Variants in RFX8 observed in about 807,000 individuals in gnomAD.
RFX8 encodes regulatory factor X8.
Under a neutral mutation model 54.6 loss-of-function variants are expected in RFX8, and 46 were observed. The observed-to-expected ratio is 0.84, with a 90% CI of 0.67 to 1.08. The LOEUF (loss-of-function observed/expected upper bound fraction) is 1.08. Among genes scored for constraint, RFX8 ranks in the 50% least tolerant of loss-of-function variants. The pLI is 0.00. For missense variants in RFX8, 536 were observed against 562.3 expected (o/e 0.95, Z 0.47); for synonymous variants, 192 against 209.5 (o/e 0.92, Z 0.72).
chr2:101,464,821 A>G (rs1320847512), intron 2 of RFX8, among the ~76,000 whole-genome samples: 1 of 151,904 alleles, frequency 6.6e-6, no homozygotes, highest in Non-Finnish European at 1.5e-5. Context: ...ACAGCCTTAT[A>G]AAAAGATCTT....
At chr2:101,467,215 T>A (rs935439795) in intron 1 of RFX8, among the ~76,000 whole-genome samples, 1 of 152,240 alleles carries the variant, frequency 6.6e-6, no homozygotes, top group Non-Finnish European at 1.5e-5. Flanking sequence ...CGCTGTTTCA[T>A]AGACCTTTAC....
intron 2 of RFX8, among the ~76,000 whole-genome samples, chr2:101,432,208 T>C (rs13430896): frequency 0.73 from 111,762 of 152,080 alleles, 42,557 homozygotes; most frequent in Middle Eastern, 0.88. Context: ...ATATTTATTT[T>C]CTAAAATCAC....
chr2:101,424,759 C>T (rs904906146), intron 2 of RFX8, among the ~76,000 whole-genome samples: 3 of 152,084 alleles, frequency 2.0e-5, no homozygotes, highest in African/African-American at 4.8e-5. Context: ...AGCAAACTAT[C>T]GCAAGGACAG....
At chr2:101,412,837 C>T in intron 8 of RFX8, 78 bp downstream of exon 8, 1 of 1,331,112 alleles carries the variant, frequency 7.5e-7, no homozygotes, top group Non-Finnish European at 1.0e-6. Flanking sequence ...TTAAGAAATT[C>T]ATGAGTTAAC....
chr2:101,451,608 G>T (rs1012383614), intron 2 of RFX8, among the ~76,000 whole-genome samples: 3 of 149,022 alleles, frequency 2.0e-5, no homozygotes, highest in Non-Finnish European at 4.4e-5. Flanking sequence ...AGAATCGCTT[G>T]AATCTGGGAG....
At chr2:101,452,302 T>C (rs1688728522) in intron 2 of RFX8, 1 of 751,052 alleles carries the variant, frequency 1.3e-6, no homozygotes, top group Non-Finnish European at 2.1e-6. Flanking sequence ...GTTTGTTTTG[T>C]TTTGCATTTT....
chr2:101,421,398 A>G, intron 4 of RFX8: 7 of 1,036,832 alleles, frequency 6.8e-6, no homozygotes, highest in Non-Finnish European at 8.1e-6. Context: ...CACCATTGAA[A>G]ATTCCAGGGT....
chr2:101,407,520 C>T (rs1208478369), intron 9 of RFX8, among the ~76,000 whole-genome samples: 1 of 152,098 alleles, frequency 6.6e-6, no homozygotes, highest in African/African-American at 2.4e-5. Context: ...GGCAAAACCC[C>T]GTCTTTACTA....
At chr2:101,437,135 A>G (rs1200039487) in intron 2 of RFX8, among the ~76,000 whole-genome samples, 1 of 152,198 alleles carries the variant, frequency 6.6e-6, no homozygotes, top group Non-Finnish European at 1.5e-5. Context: ...GTAGATTTAC[A>G]TGCAGTTGTA....
chr2:101,417,872 G>A (rs1472733438), intron 5 of RFX8, among the ~76,000 whole-genome samples, 188 bp from the exon 6 acceptor site: 3 of 152,094 alleles, frequency 2.0e-5, no homozygotes, highest in East Asian at 3.9e-4. Flanking sequence ...TGCAGCCACA[G>A]TTGGAATTTT....
chr2:101,415,996 A>G (rs114236858), intron 6 of RFX8, among the ~76,000 whole-genome samples: 1 of 152,370 alleles, frequency 6.6e-6, no homozygotes, highest in African/African-American at 2.4e-5. Context: ...CAGCCTGTCT[A>G]GTGTTGCTGA....
In RFX8 at chr2:101,401,292, C is replaced by T. The variant is rs78548501; in HGVS notation, c.1245+1144G>A. 6.6e-3 allele frequency among the ~76,000 whole-genome samples: 1,007 copies of T among 152,076 alleles called. 10 individuals carry two copies. The highest frequency in any genetic ancestry group is 0.021 in the African/African-American group (855 of 41,440). On this transcript the variant is annotated intron_variant, in intron 11 of 11. Transcript: ENST00000428343. ...TTTTGTTTTGTTTTGTTTTTTTGGTCTAGGGAGGTGTCTTGTCCAAGCATT... is the reference window on the plus strand; with the variant it reads ...TTTTGTTTTGTTTTGTTTTTTTGGTTTAGGGAGGTGTCTTGTCCAAGCATT...
At chr2:101,457,000 T>C (rs530857231) in intron 2 of RFX8, among the ~76,000 whole-genome samples, 40 of 152,364 alleles carry the variant, frequency 2.6e-4, no homozygotes, top group African/African-American at 8.7e-4. Context: ...CGTAGAGGTG[T>C]TTATACTATT....
rs139284245 is a variant in RFX8, at chr2:101,456,410, T to G, written c.72+10367A>C. On this transcript the variant is annotated intron_variant, in intron 2 of 11. Transcript: ENST00000428343. ...CCATCAATACCTAGTTTATTGAGAG[T>G]TTTTAGCATGAATGGCTGTTGAATT... Among the ~76,000 whole-genome samples, 1,415 of 152,156 alleles carry G rather than the reference T, an allele frequency of 9.3e-3. 24 individuals carry two copies. Among genetic ancestry groups the G allele is most frequent in the African/African-American group, 0.033 (1,373 of 41,492 alleles).
At chr2:101,399,570 C>T (rs1685311186) in intron 11 of RFX8, among the ~76,000 whole-genome samples, 2 of 152,178 alleles carry the variant, frequency 1.3e-5, no homozygotes, top group South Asian at 4.2e-4. Context: ...GGGATTGGGC[C>T]AACAGTGTTA....
intron 2 of RFX8, among the ~76,000 whole-genome samples, chr2:101,434,079 C>T (rs899826624): frequency 1.1e-4 from 16 of 151,674 alleles, no homozygotes; most frequent in Admixed American, 9.8e-4. Flanking sequence ...TTCTCATGAA[C>T]ACCTGTTAGT....
chr2:101,410,822 A>G (rs1008118324), intron 8 of RFX8, 109 bp from the exon 9 acceptor site: 1 of 640,134 alleles, frequency 1.6e-6, no homozygotes, highest in Non-Finnish European at 2.8e-6. Flanking sequence ...CAATAGCTCG[A>G]AGGGACTCCC....
chr2:101,447,495 C>CT (rs1416023462), intron 2 of RFX8, among the ~76,000 whole-genome samples: 5 of 152,084 alleles, frequency 3.3e-5, no homozygotes, highest in Admixed American at 1.3e-4. Context: ...GCTTCTTCTT[C>CT]TTTTTTAACA....
At chr2:101,452,186 G>A (rs566861029) in intron 2 of RFX8, among the ~76,000 whole-genome samples, 150 of 152,248 alleles carry the variant, frequency 9.9e-4, no homozygotes, top group African/African-American at 3.4e-3. Context: ...ACAAAATTCC[G>A]AAGAAAATAG....
Sources: allele counts gnomAD v4.1 joint callset (sites outside exome capture counted in the v4.1 genomes callset), GRCh38; gene constraint gnomAD v4.1.1; transcripts MANE v1.5; gene names NCBI Gene and HGNC (gene_info 2026-07-23, HGNC 2026-07-21).